CENPT: variants seen among roughly 807,000 people sequenced by gnomAD.
CENPT encodes centromere protein T.
In CENPT, 42 loss-of-function variants were observed where a neutral mutation model predicts 59.7. That is an observed-to-expected ratio of 0.70 (90% CI 0.55 to 0.91). CENPT has a LOEUF of 0.91. Among genes scored for constraint, CENPT ranks in the 40% least tolerant of loss-of-function variants. The probability of loss-of-function intolerance (pLI) is 0.00; values close to 1 mark genes in which losing one functional copy is unlikely to be tolerated. For missense variants in CENPT, 716 were observed against 713.4 expected (o/e 1.00, Z -0.04); for synonymous variants, 295 against 289.6 (o/e 1.02, Z -0.19).
intron 1 of CENPT, among the ~76,000 whole-genome samples, chr16:67,840,994 T>C (rs1363451212): frequency 7.7e-6 from 1 of 130,688 alleles, no homozygotes; most frequent in Non-Finnish European, 1.6e-5. Context: ...ACCCCGTCTC[T>C]ACTAAATACA....
chr16:67,829,421 A>C lies in CENPT; in HGVS notation c.1280+2T>G, dbSNP rs1176994500. Reference sequence around the variant, plus strand: ...ATGAGGAATGGGGTTGTGGGATCTTACACTGCAGCACCAGGCGCTGGGGCT... The same window carrying C: ...ATGAGGAATGGGGTTGTGGGATCTTCCACTGCAGCACCAGGCGCTGGGGCT... On this transcript the variant is annotated splice_donor_variant, in intron 13 of 15. Coordinates refer to ENST00000562787, the MANE Select transcript of CENPT (RefSeq NM_025082.4). LOFTEE classifies it high-confidence loss of function. The C allele has an allele frequency of 3.2e-6, 5 of 1,587,054 alleles. No individual in the cohort carries two copies. The South Asian group carries it at 5.7e-5, about 18-fold the overall frequency.
At chr16:67,830,625 G>A (rs2057678091) in intron 10 of CENPT, 77 bp from the exon 11 acceptor site, 1 of 1,478,870 alleles carries the variant, frequency 6.8e-7, no homozygotes, top group South Asian at 1.2e-5. Context: ...CGTATTCCAG[G>A]CCCACCGGCT....
At chr16:67,840,272 C>T (rs942344429) in intron 1 of CENPT, among the ~76,000 whole-genome samples, 19 of 152,208 alleles carry the variant, frequency 1.2e-4, no homozygotes, top group African/African-American at 4.1e-4. Flanking sequence ...GAGCTGAGAT[C>T]GCGCCACTGC....
Position 67,832,520 on chromosome 16 carries a change from C to T in CENPT, c.136G>A (p.Ala46Thr), listed in dbSNP as rs772474106. Reference sequence around the variant, plus strand: ...TGGCCACTCAACTTCCTGGGGGAAGCCGTTTCAAGCAGGGCTCTCCGGGCT... The same window carrying T: ...TGGCCACTCAACTTCCTGGGGGAAGTCGTTTCAAGCAGGGCTCTCCGGGCT... ...AGARRALLET[A>T]SPRKLSGQTR... The change falls in exon 5 of 16, where the codon GCT (alanine) becomes ACT (threonine). Residue 46 changes from alanine to threonine, a missense_variant. By Grantham distance (58) the Ala-to-Thr change is moderately conservative. Coordinates refer to ENST00000562787, the MANE Select transcript of CENPT (RefSeq NM_025082.4). The T allele has an allele frequency of 6.2e-7, 1 of 1,614,122 alleles. No individual in the cohort carries two copies. Among genetic ancestry groups the T allele is most frequent in the South Asian group, 1.1e-5 (1 of 91,082 alleles).
At chr16:67,832,192 T>A (rs1023746398) in intron 6 of CENPT, 36 bp downstream of exon 6, 1 of 1,611,942 alleles carries the variant, frequency 6.2e-7, no homozygotes, top group African/African-American at 1.3e-5. Flanking sequence ...GTTGGACTGG[T>A]ACCTAACTCT....
rs754277492 is a variant in CENPT at position 67,832,058 on chromosome 16, C to T, written c.340G>A (p.Ala114Thr). The change falls in exon 7 of 16, where the codon GCA becomes ACA. Residue 114 changes from alanine to threonine, a missense_variant. Coordinates refer to ENST00000562787, the MANE Select transcript of CENPT (RefSeq NM_025082.4). ...MPESVVKPVP[A>T]PQAVQPSRQE... Reference sequence around the variant, plus strand: ...CTGGAGGGTTGGACCGCCTGCGGTGCTGGCACTGGCTTCACTACCGACTCA... The same window carrying T: ...CTGGAGGGTTGGACCGCCTGCGGTGTTGGCACTGGCTTCACTACCGACTCA... 6.2e-7 allele frequency: 1 copy of T among 1,611,808 alleles called. No individual in the cohort carries two copies. Among genetic ancestry groups the T allele is most frequent in the Non-Finnish European group, 8.5e-7 (1 of 1,178,474 alleles).
intron 1 of CENPT, among the ~76,000 whole-genome samples, chr16:67,840,297 A>G (rs1057084767): frequency 6.6e-6 from 1 of 152,218 alleles, no homozygotes; most frequent in Non-Finnish European, 1.5e-5. Context: ...CAGCCTGGGC[A>G]ACAGAGCGAG....
intron 11 of CENPT, 83 bp downstream of exon 11, chr16:67,830,307 A>G (rs571455625): frequency 6.6e-7 from 1 of 1,515,650 alleles, no homozygotes; most frequent in African/African-American, 1.4e-5. Flanking sequence ...AGGGGCACAG[A>G]GGGGCTTGAG....
intron 1 of CENPT, among the ~76,000 whole-genome samples, chr16:67,841,193 CAAAAAAAAAAAAAAA>C (rs772893427): frequency 1.5e-4 from 4 of 27,576 alleles, no homozygotes; most frequent in East Asian, 1.3e-3. Flanking sequence ...GACTCCTTTA[CAAAAAAAAAAAAAAA>C]AAAAAAAAAA....
rs762773277 is a variant in CENPT at position 67,842,875 on chromosome 16, A to ACAGCAGCAG, written c.-492+4517_-492+4525dup. ...CCGCCCGCCGCAGGCAGCAGCAGCA[A>ACAGCAGCAG]CAGCAGCAGCAGCAGCAACAGCAGC... On this transcript the variant is annotated intron_variant, in intron 1 of 15. Coordinates refer to ENST00000562787, the MANE Select transcript of CENPT (RefSeq NM_025082.4). This position sits in a 1 kb window ranked among gnomAD's most constrained non-coding sequence, Gnocchi z 4.9. 3.2e-5 allele frequency: 52 copies of ACAGCAGCAG among 1,600,164 alleles called. 1 individual carries two copies. Among genetic ancestry groups the ACAGCAGCAG allele is most frequent in the East Asian group, 2.5e-4 (11 of 44,756 alleles).
At position 67,842,722 on chromosome 16, in the gene CENPT, A is replaced by C. The variant is rs1193733631; in HGVS notation, c.-492+4679T>G. 1.2e-6 allele frequency: 2 copies of C among 1,606,382 alleles called. No individual in the cohort carries two copies. The highest frequency in any genetic ancestry group is 1.7e-6 in the Non-Finnish European group (2 of 1,176,566). ...GCTTCTCCACCTTCCAGCCCACCAC[A>C]GGCCACCGTCTCTGCAGCGTTCACT... On this transcript the variant is annotated intron_variant, in intron 1 of 15. Transcript: ENST00000562787. This position sits in a 1 kb window ranked among gnomAD's most constrained non-coding sequence, Gnocchi z 4.9.
chr16:67,842,890 G>A lies in CENPT; in HGVS notation c.-492+4511C>T, dbSNP rs2057772676. ...AGCAGCAGCAACAGCAGCAGCAGCAGCAACAGCAGCAACAGCAGCAGCAGC... is the reference window on the plus strand; with the variant it reads ...AGCAGCAGCAACAGCAGCAGCAGCAACAACAGCAGCAACAGCAGCAGCAGC... On this transcript the variant is annotated intron_variant, in intron 1 of 15. Transcript: ENST00000562787. This position sits in a 1 kb window ranked among gnomAD's most constrained non-coding sequence, Gnocchi z 4.9. The A allele has an allele frequency of 1.9e-6, 3 of 1,586,076 alleles. No individual in the cohort carries two copies. The African/African-American group carries it at 4.4e-5, about 23-fold the overall frequency.
At position 67,833,803 on chromosome 16, in the gene CENPT, C is replaced by T; in HGVS notation, c.57G>A (p.Val19=). 1 of 1,578,042 alleles carries T rather than the reference C, an allele frequency of 6.3e-7. No homozygotes were observed. The highest frequency in any genetic ancestry group is 1.1e-5 in the South Asian group (1 of 87,108). ...DSTPRTLLRR[V]LDTADPRTPR... is the part of the protein sequence containing the mutation. ...GGGTGCGCGGGTCCGCTGTATCCAG[C>T]ACGCGTCGCAGCAGCGTGCGCGGCG... is the stretch of plus-strand genomic sequence containing the variant. Residue 19 remains valine (V), a synonymous_variant, in exon 4 of 16, where the codon GTG becomes GTA. Coordinates refer to ENST00000562787, the MANE Select transcript of CENPT (RefSeq NM_025082.4).
rs1477192584 is a variant in CENPT at position 67,832,111 on chromosome 16, G to A, written c.290-3C>T. 6.2e-7 allele frequency: 1 copy of A among 1,611,200 alleles called. No homozygotes were observed. The highest frequency in any genetic ancestry group is 8.5e-7 in the Non-Finnish European group (1 of 1,177,844). Reference sequence around the variant, plus strand: ...CATCAGGATGGAAGATTCTGGGGCTGCAGAAACACCAAGGAGAGGGTGGGG... The same window carrying A: ...CATCAGGATGGAAGATTCTGGGGCTACAGAAACACCAAGGAGAGGGTGGGG... On this transcript the variant is annotated splice_polypyrimidine_tract_variant and splice_region_variant and intron_variant, in intron 6 of 15. Coordinates refer to ENST00000562787, the MANE Select transcript of CENPT (RefSeq NM_025082.4).
Position 67,842,923 on chromosome 16 carries a change from G to GCAGCAACAGCAGCAGCAGCAGCAA in CENPT, c.-492+4477_-492+4478insTTGCTGCTGCTGCTGCTGTTGCTG, listed in dbSNP as rs1555494453. 1.0e-4 allele frequency: 73 copies of GCAGCAACAGCAGCAGCAGCAGCAA among 705,284 alleles called. No homozygotes were observed. In the Middle Eastern group the frequency reaches 1.3e-3, roughly 12 times the overall value. 43.7% of individuals were successfully genotyped at this position (705,284 alleles called of 1,614,324 possible). A position where few individuals can be genotyped will look rare whatever the true frequency, so the allele number is the denominator to read the frequency against. ...AGCAACAGCAGCAGCAGCAGCAACA[G>GCAGCAACAGCAGCAGCAGCAGCAA]CAGCAGCAGCAGCAGCAGCAGCAGC... On this transcript the variant is annotated intron_variant, in intron 1 of 15. Transcript: ENST00000562787. The surrounding 1 kb of genome is among the most constrained non-coding windows in gnomAD (Gnocchi z 4.9).
At chr16:67,834,315 AT>A in intron 3 of CENPT, 1 of 154,272 alleles carries the variant, frequency 6.5e-6, no homozygotes, top group Non-Finnish European at 1.4e-5. Flanking sequence ...ACCTGGTTAG[AT>A]TTGCATTTGC....
Position 67,832,522 on chromosome 16 carries a change from G to GT in CENPT, c.133dup (p.Thr45AsnfsTer62). 6.2e-7 allele frequency: 1 copy of GT among 1,614,112 alleles called. No individual in the cohort carries two copies. Among genetic ancestry groups the GT allele is most frequent in the Non-Finnish European group, 8.5e-7 (1 of 1,179,980 alleles). Reference sequence around the variant, plus strand: ...GCCACTCAACTTCCTGGGGGAAGCCGTTTCAAGCAGGGCTCTCCGGGCTCT... The same window carrying GT: ...GCCACTCAACTTCCTGGGGGAAGCCGTTTTCAAGCAGGGCTCTCCGGGCTCT... On this transcript the variant is annotated frameshift_variant, in exon 5 of 16. Coordinates refer to ENST00000562787, the MANE Select transcript of CENPT (RefSeq NM_025082.4). LOFTEE classifies it high-confidence loss of function.
At chr16:67,832,419 C>G in intron 5 of CENPT, 36 bp downstream of exon 5, 1 of 1,610,926 alleles carries the variant, frequency 6.2e-7, no homozygotes, top group Non-Finnish European at 8.5e-7. Flanking sequence ...CCCGAGGCAG[C>G]CAGGGCCCTT....
intron 1 of CENPT, among the ~76,000 whole-genome samples, chr16:67,841,010 C>CATT (rs2057757341): frequency 9.1e-6 from 1 of 109,402 alleles, no homozygotes. Context: ...ATACAAAATA[C>CATT]ATATATATAT....
Sources: gnomAD v4.1 joint callset for allele counts (sites outside exome capture counted in the v4.1 genomes callset) on GRCh38, gnomAD v4.1.1 for gene constraint, Gnocchi (gnomAD v3.1) non-coding constraint, MANE v1.5 for transcripts, NCBI Gene and HGNC (gene_info 2026-07-23, HGNC 2026-07-21) for gene names.